The following PSD3 variants were observed in gnomAD, a reference collection of about 807,000 sequenced individuals.
The protein encoded by PSD3 is pleckstrin and Sec7 domain containing 3.
PSD3 carries 49 observed loss-of-function variants against 105.5 expected under a neutral mutation model. That is an observed-to-expected ratio of 0.46 (90% CI 0.37 to 0.59). PSD3 has a LOEUF of 0.59. PSD3 is among the 20% of genes least tolerant of loss of function. The pLI, the probability that PSD3 is intolerant of heterozygous loss-of-function variation, is 0.00. For missense variants in PSD3, 1,561 were observed against 1,263.8 expected (o/e 1.24, Z -3.57); for synonymous variants, 557 against 457.8 (o/e 1.22, Z -2.77).
chr8:18,869,608 C>CTGCTGTGCACA (rs929610235), intron 3 of PSD3, among the ~76,000 whole-genome samples: 40 of 152,336 alleles, frequency 2.6e-4, no homozygotes, highest in African/African-American at 9.1e-4. Context: ...TGTGCACATG[C>CTGCTGTGCACA]TGTTCCCTCT....
At chr8:18,655,592 G>C in intron 10 of PSD3, 50 bp downstream of exon 10, 1 of 1,546,658 alleles carries the variant, frequency 6.5e-7, no homozygotes, top group South Asian at 1.1e-5. Context: ...AAGACAGTAG[G>C]AAAAAAGTGA....
intron 1 of PSD3, among the ~76,000 whole-genome samples, chr8:18,964,431 A>C (rs1390521818): frequency 6.6e-6 from 1 of 151,496 alleles, no homozygotes; most frequent in Non-Finnish European, 1.5e-5. Context: ...GCCATTAATA[A>C]CTCTTGTTAC....
chr8:18,707,445 T>C lies in PSD3; in HGVS notation c.2173-51760A>G, dbSNP rs142107600. Among the ~76,000 whole-genome samples, 25 of 152,314 alleles carry C rather than the reference T, an allele frequency of 1.6e-4. No individual in the cohort carries two copies. In the East Asian group the frequency reaches 4.4e-3, roughly 27 times the overall value. On this transcript the variant is annotated intron_variant, in intron 9 of 15. Coordinates refer to ENST00000327040, the MANE Select transcript of PSD3 (RefSeq NM_015310.4). ...TTCAGGGCAGGGCTTATCCTACTTA[T>C]CTTGGCAGATTGGAGGATTGGGATT...
chr8:18,771,482 A>G (rs953072677), intron 8 of PSD3, among the ~76,000 whole-genome samples: 2 of 152,186 alleles, frequency 1.3e-5, no homozygotes, highest in African/African-American at 4.8e-5. Context: ...ATTAGCTCTT[A>G]TATTTAGATA....
chr8:18,790,649 G>A (rs1809629610), intron 8 of PSD3, among the ~76,000 whole-genome samples: 1 of 152,010 alleles, frequency 6.6e-6, no homozygotes, highest in African/African-American at 2.4e-5. Context: ...TAGGTTCTCA[G>A]GCTATTCTCT....
At chr8:18,760,304 A>C (rs909645891) in intron 9 of PSD3, among the ~76,000 whole-genome samples, 1 of 152,160 alleles carries the variant, frequency 6.6e-6, no homozygotes, top group Non-Finnish European at 1.5e-5. Context: ...TTTCAAACAA[A>C]CAATATGATG....
chr8:18,664,417 C>T (rs1563154461), intron 9 of PSD3, among the ~76,000 whole-genome samples: 2 of 152,160 alleles, frequency 1.3e-5, no homozygotes, highest in African/African-American at 2.4e-5. Context: ...AGGCCAAAGC[C>T]TAATTCAGAG....
intron 9 of PSD3, among the ~76,000 whole-genome samples, chr8:18,730,578 T>G (rs1803671436): frequency 6.6e-6 from 1 of 152,230 alleles, no homozygotes; most frequent in South Asian, 2.1e-4. Flanking sequence ...TCACTGGCCT[T>G]TCATCCATCC....
At chr8:18,556,550 C>G (rs17126808) in intron 14 of PSD3, among the ~76,000 whole-genome samples, 198 bp from the exon 15 acceptor site, 4,389 of 152,276 alleles carry the variant, frequency 0.029, 129 homozygotes, top group African/African-American at 0.081. Context: ...GGATGGCAAT[C>G]AAGGCCAACC....
chr8:18,616,321 A>G (rs1805660658), intron 11 of PSD3, among the ~76,000 whole-genome samples: 2 of 152,196 alleles, frequency 1.3e-5, no homozygotes, highest in African/African-American at 2.4e-5. Context: ...TCTTTGACAT[A>G]TTTTTGAGAT....
intron 12 of PSD3, among the ~76,000 whole-genome samples, chr8:18,583,901 A>T (rs879098348): frequency 6.6e-6 from 1 of 152,182 alleles, no homozygotes; most frequent in East Asian, 1.9e-4. Context: ...GCAAAGTCCT[A>T]ATCTTATATA....
At position 18,591,085 on chromosome 8, in the gene PSD3, T is replaced by A. The variant is rs550898717; in HGVS notation, c.2481+9279A>T. On this transcript the variant is annotated intron_variant, in intron 12 of 15. Coordinates refer to ENST00000327040, the MANE Select transcript of PSD3 (RefSeq NM_015310.4). The stretch of plus-strand genomic sequence containing the variant: ...ATGATTTATGGACCAAAATACCTAC[T>A]AAGACAATACCAAAATCCAGTGAAG... Among the ~76,000 whole-genome samples the A allele has an allele frequency of 5.5e-4, 83 of 152,180 alleles. 2 individuals are homozygous for A. The highest frequency in any genetic ancestry group is 2.0e-3 in the African/African-American group (82 of 41,518).
chr8:19,017,478 T>C (rs576414671), upstream of PSD3, among the ~76,000 whole-genome samples: 3 of 152,306 alleles, frequency 2.0e-5, no homozygotes, highest in East Asian at 5.8e-4. Context: ...ATTCACAGAT[T>C]TGTGCAATCA....
intron 8 of PSD3, among the ~76,000 whole-genome samples, chr8:18,796,571 A>T (rs533373526): frequency 2.0e-4 from 31 of 152,322 alleles, no homozygotes; most frequent in Admixed American, 7.8e-4. Context: ...TAGCAGGCCA[A>T]ACCAAGGCCC....
intron 9 of PSD3, among the ~76,000 whole-genome samples, chr8:18,663,170 G>A (rs1366696341): frequency 6.6e-6 from 1 of 152,180 alleles, no homozygotes; most frequent in African/African-American, 2.4e-5. Flanking sequence ...GCTCACAAAT[G>A]TAATCCCAGC....
At chr8:18,674,947 G>GGT (rs1799988089) in intron 9 of PSD3, among the ~76,000 whole-genome samples, 1 of 151,980 alleles carries the variant, frequency 6.6e-6, no homozygotes, top group Non-Finnish European at 1.5e-5. Context: ...GCTACAGTGA[G>GGT]GTATGTTCTT....
chr8:19,035,996 C>G (rs893857549), intron 1 of PSD3, among the ~76,000 whole-genome samples: 1 of 152,124 alleles, frequency 6.6e-6, no homozygotes, highest in African/African-American at 2.4e-5. Flanking sequence ...CTCAAGTGAT[C>G]TGCATGCCTC....
intron 15 of PSD3, among the ~76,000 whole-genome samples, chr8:18,552,059 G>C (rs1800801056): frequency 6.6e-6 from 1 of 152,156 alleles, no homozygotes; most frequent in Non-Finnish European, 1.5e-5. Context: ...AACAAATACA[G>C]TATTATGTTG....
intron 1 of PSD3, among the ~76,000 whole-genome samples, chr8:19,042,641 T>C (rs1012090629): frequency 6.6e-6 from 1 of 152,218 alleles, no homozygotes; most frequent in Non-Finnish European, 1.5e-5. Context: ...AAAAATGCTT[T>C]TGTCTTGGTC....
Sources: allele counts gnomAD v4.1 joint callset (sites outside exome capture counted in the v4.1 genomes callset), GRCh38; gene constraint gnomAD v4.1.1; transcripts MANE v1.5; gene names NCBI Gene and HGNC (gene_info 2026-07-23, HGNC 2026-07-21).